Variants in TDG observed in about 807,000 individuals in gnomAD.
TDG encodes the protein G/T mismatch-specific thymine DNA glycosylase.
TDG carries 23 observed loss-of-function variants against 46.1 expected under a neutral mutation model. The ratio of observed to expected loss-of-function variants is 0.50; its 90% CI spans 0.36 to 0.71. The LOEUF (loss-of-function observed/expected upper bound fraction) is 0.71. Among genes scored for constraint, TDG ranks in the 30% least tolerant of loss-of-function variants. The pLI, the probability that TDG is intolerant of heterozygous loss-of-function variation, is 0.00. For missense variants in TDG, 304 were observed against 486.7 expected (o/e 0.62, Z 3.53); for synonymous variants, 115 against 161.3 (o/e 0.71, Z 2.18).
At chr12:103,966,188 C>T (rs1446555826) in intron 1 of TDG, 128 bp downstream of exon 1, 12 of 1,263,830 alleles carry the variant, frequency 9.5e-6, no homozygotes, top group Admixed American at 3.4e-5. Context: ...GCCGCGCGTG[C>T]GCACTGTGGC....
chr12:103,969,403 A>G (rs1882018), intron 1 of TDG, among the ~76,000 whole-genome samples: 115,820 of 152,126 alleles, frequency 0.76, 44,362 homozygotes, highest in East Asian at 1. Context: ...TAAAAACCTG[A>G]CTTACTACTG....
intron 1 of TDG, chr12:103,973,014 G>A: frequency 1.4e-6 from 1 of 698,550 alleles, no homozygotes; most frequent in Non-Finnish European, 2.6e-6. Context: ...GAGAGTAGTA[G>A]TAAGAAACAT....
chr12:103,977,656 G>A (rs1361406600), intron 2 of TDG, among the ~76,000 whole-genome samples: 1 of 152,186 alleles, frequency 6.6e-6, no homozygotes, highest in Non-Finnish European at 1.5e-5. Context: ...TATCATGAAG[G>A]CAATAGGGAG....
At chr12:103,969,641 C>A (rs953125592) in intron 1 of TDG, among the ~76,000 whole-genome samples, 3 of 152,190 alleles carry the variant, frequency 2.0e-5, no homozygotes, top group Non-Finnish European at 2.9e-5. Flanking sequence ...AAAGAAGAGG[C>A]ACAATCCTAT....
chr12:103,980,369 G>A (rs978747636), intron 3 of TDG: 7 of 334,424 alleles, frequency 2.1e-5, no homozygotes, highest in South Asian at 8.5e-5. Flanking sequence ...ACCACCCCCC[G>A]ATAGGGTTGC....
chr12:103,972,200 C>G (rs1871317462), intron 1 of TDG, among the ~76,000 whole-genome samples: 1 of 152,122 alleles, frequency 6.6e-6, no homozygotes, highest in East Asian at 1.9e-4. Flanking sequence ...CTTACTGCAG[C>G]CTCCGCCTCC....
chr12:103,968,661 T>C (rs1871165821), intron 1 of TDG, among the ~76,000 whole-genome samples: 1 of 152,178 alleles, frequency 6.6e-6, no homozygotes, highest in South Asian at 2.1e-4. Flanking sequence ...CCTGCGTGTG[T>C]TGTGTTTCAA....
In TDG at chr12:103,966,274, C is replaced by G. The variant is rs1410801097; in HGVS notation, c.23+214C>G. ...CTGCTCTGAGGGTTACCTGGTGCAC[C>G]TGGACCCTTCTTTGGTTCCCCGCGA... is the stretch of plus-strand genomic sequence containing the variant. On this transcript the variant is annotated intron_variant, in intron 1 of 9. Coordinates refer to ENST00000392872, the MANE Select transcript of TDG (RefSeq NM_003211.6). 2.6e-5 allele frequency among the ~76,000 whole-genome samples: 4 copies of G among 152,278 alleles called. No individual in the cohort carries two copies. The East Asian group carries it at 5.8e-4, about 22-fold the overall frequency.
At chr12:103,966,088 C>A in intron 1 of TDG, 28 bp downstream of exon 1, 1 of 1,550,500 alleles carries the variant, frequency 6.4e-7, no homozygotes, top group African/African-American at 1.4e-5. Context: ...GCCGCCCCTC[C>A]CTTGCGCCCC....
chr12:103,966,405 T>G (rs1859757115), intron 1 of TDG, among the ~76,000 whole-genome samples: 1 of 152,220 alleles, frequency 6.6e-6, no homozygotes, highest in Admixed American at 6.5e-5. Context: ...CACCCTCCAT[T>G]ACCACGCAGA....
At chr12:103,981,048 A>G in intron 4 of TDG, 86 bp downstream of exon 4, 1 of 1,192,288 alleles carries the variant, frequency 8.4e-7, no homozygotes, top group South Asian at 1.3e-5. Context: ...TTGTGTTTTT[A>G]AAAAGAAAGA....
intron 1 of TDG, among the ~76,000 whole-genome samples, chr12:103,975,134 G>A (rs568602679): frequency 2.2e-4 from 33 of 152,178 alleles, no homozygotes; most frequent in African/African-American, 7.7e-4. Context: ...TCAAATATGT[G>A]TTTACTTCTC....
At chr12:103,967,244 G>C (rs2136230356) in intron 1 of TDG, among the ~76,000 whole-genome samples, 1 of 152,128 alleles carries the variant, frequency 6.6e-6, no homozygotes, top group East Asian at 1.9e-4. Context: ...TTAGCTCAAA[G>C]CTGTGATATG....
intron 1 of TDG, among the ~76,000 whole-genome samples, chr12:103,966,409 A>G (rs1322634515): frequency 3.9e-5 from 6 of 152,230 alleles, no homozygotes; most frequent in Non-Finnish European, 1.5e-5. Flanking sequence ...CTCCATTACC[A>G]CGCAGAGAGC....
intron 4 of TDG, 119 bp from the exon 5 acceptor site, chr12:103,982,680 G>T (rs547327750): frequency 2.1e-6 from 2 of 963,026 alleles, no homozygotes; most frequent in Admixed American, 5.2e-5. Flanking sequence ...TGGGAGGATT[G>T]CTTGAGCCTC....
At chr12:103,977,254 A>C (rs1405526685) in intron 2 of TDG, among the ~76,000 whole-genome samples, 194 bp downstream of exon 2, 2 of 152,246 alleles carry the variant, frequency 1.3e-5, no homozygotes, top group Non-Finnish European at 2.9e-5. Context: ...AATATCTCAT[A>C]ATCTAGTAGA....
In TDG at chr12:103,984,889, G is replaced by A. The variant is rs749589462; in HGVS notation, c.933G>A (p.Val311=). ...AACGAAATATGGACGTTCAAGAGGTGCAATATACATTTGACCTACAGCTTG... is the reference window on the plus strand; with the variant it reads ...AACGAAATATGGACGTTCAAGAGGTACAATATACATTTGACCTACAGCTTG... ...GIERNMDVQE[V]QYTFDLQLAQ... Residue 311 remains valine, a synonymous_variant, in exon 8 of 10, where the codon GTG becomes GTA. Transcript: ENST00000392872. 16 of 1,612,976 alleles carry A rather than the reference G, an allele frequency of 9.9e-6. No homozygotes were observed. The South Asian group carries it at 1.3e-4, about 13-fold the overall frequency.
chr12:103,976,871 A>G (rs1178877590), intron 1 of TDG, 47 bp from the exon 2 acceptor site: 1 of 1,606,024 alleles, frequency 6.2e-7, no homozygotes. Flanking sequence ...TTGGATTTAC[A>G]TTTGGGTAAT....
In TDG at chr12:103,985,780, TG is replaced by T. The variant is rs765780922; in HGVS notation, c.1090+58del. 3.5e-6 allele frequency: 5 copies of T among 1,433,184 alleles called. No individual in the cohort carries two copies. The African/African-American group carries it at 4.4e-5, about 13-fold the overall frequency. The allele number at this position is 1,433,184 out of a possible 1,614,324, so 88.8% of individuals were successfully genotyped here. A position where few individuals can be genotyped will look rare whatever the true frequency, so the allele number is the denominator to read the frequency against. On this transcript the variant is annotated intron_variant, in intron 9 of 9. Coordinates refer to ENST00000392872, the MANE Select transcript of TDG (RefSeq NM_003211.6). Reference sequence around the variant, plus strand: ...CTTTCAAAGACGGTTTGGTCAGGATTGGGGGGAAAATTTTAATAGAAGGAGA... The same window carrying T: ...CTTTCAAAGACGGTTTGGTCAGGATTGGGGGAAAATTTTAATAGAAGGAGA...
Sources: gnomAD v4.1 joint callset for allele counts (sites outside exome capture counted in the v4.1 genomes callset) on GRCh38, gnomAD v4.1.1 for gene constraint, MANE v1.5 for transcripts, NCBI Gene and HGNC (gene_info 2026-07-23, HGNC 2026-07-21) for gene names.